DOK5: variants seen among roughly 807,000 people sequenced by gnomAD.
DOK5 encodes the protein docking protein 5, also known as downstream of tyrosine kinase 5.
In DOK5, 27 loss-of-function variants were observed where a neutral mutation model predicts 43.3. The observed-to-expected ratio is 0.62, with a 90% CI of 0.46 to 0.86. The LOEUF is 0.86. Among genes scored for constraint, DOK5 ranks in the 40% least tolerant of loss-of-function variants. DOK5 has a pLI of 0.00. For missense variants in DOK5, 373 were observed against 392.9 expected (o/e 0.95, Z 0.43); for synonymous variants, 146 against 140.1 (o/e 1.04, Z -0.30).
chr20:54,646,749 A>C (rs1378249137), intron 7 of DOK5, among the ~76,000 whole-genome samples: 1 of 152,150 alleles, frequency 6.6e-6, no homozygotes, highest in Non-Finnish European at 1.5e-5. Flanking sequence ...GAAAAAGGAA[A>C]TAGGATTGGG....
At chr20:54,586,352 T>G (rs1985802725) in intron 2 of DOK5, among the ~76,000 whole-genome samples, 2 of 152,058 alleles carry the variant, frequency 1.3e-5, no homozygotes, top group South Asian at 4.2e-4. Flanking sequence ...CTAGAGGAAG[T>G]GGACCTTGGG....
chr20:54,571,911 A>G (rs78376635), intron 2 of DOK5, among the ~76,000 whole-genome samples: 1 of 152,062 alleles, frequency 6.6e-6, no homozygotes, highest in Non-Finnish European at 1.5e-5. Context: ...CTGTTGTCTT[A>G]TGATTGCACA....
intron 1 of DOK5, among the ~76,000 whole-genome samples, chr20:54,492,241 A>G (rs924277918): frequency 2.6e-5 from 4 of 152,278 alleles, no homozygotes; most frequent in South Asian, 4.1e-4. Flanking sequence ...ATTCTTGTAT[A>G]TTAGTACAGA....
intron 1 of DOK5, among the ~76,000 whole-genome samples, chr20:54,515,239 C>A (rs1307633694): frequency 6.6e-6 from 1 of 152,140 alleles, no homozygotes; most frequent in Admixed American, 6.5e-5. Flanking sequence ...TCTTGAATTC[C>A]TGACCTCAGG....
chr20:54,594,147 C>A (rs1209695262), intron 5 of DOK5, among the ~76,000 whole-genome samples: 1 of 152,038 alleles, frequency 6.6e-6, no homozygotes, highest in Non-Finnish European at 1.5e-5. Flanking sequence ...TACCCATGAA[C>A]TTAAAACAAA....
chr20:54,580,439 G>C (rs898551130), intron 2 of DOK5, among the ~76,000 whole-genome samples: 1 of 152,084 alleles, frequency 6.6e-6, no homozygotes, highest in African/African-American at 2.4e-5. Context: ...TTCCCTAAGT[G>C]GCTGCACCTT....
chr20:54,603,580 C>A (rs114436137), intron 5 of DOK5, among the ~76,000 whole-genome samples: 1 of 152,316 alleles, frequency 6.6e-6, no homozygotes, highest in Non-Finnish European at 1.5e-5. Flanking sequence ...GGATACTTGT[C>A]AATGTCTGGA....
At chr20:54,537,251 A>T (rs560716865) in intron 1 of DOK5, among the ~76,000 whole-genome samples, 136 of 152,372 alleles carry the variant, frequency 8.9e-4, no homozygotes, top group African/African-American at 3.2e-3. Flanking sequence ...TAGCAACATT[A>T]GAGGCATCCT....
At chr20:54,601,891 G>A (rs73144072) in intron 5 of DOK5, among the ~76,000 whole-genome samples, 6,931 of 152,258 alleles carry the variant, frequency 0.046, 208 homozygotes, top group Non-Finnish European at 0.069. Context: ...CTTAGAGGGC[G>A]ATTCCTGTTT....
intron 1 of DOK5, among the ~76,000 whole-genome samples, chr20:54,485,181 T>C (rs772414806): frequency 3.9e-5 from 6 of 151,922 alleles, no homozygotes; most frequent in Non-Finnish European, 7.4e-5. Context: ...AATACAAAAA[T>C]TAGTCGGGCA....
At chr20:54,633,180 G>A (rs1353871518) in intron 6 of DOK5, among the ~76,000 whole-genome samples, 1 of 152,190 alleles carries the variant, frequency 6.6e-6, no homozygotes, top group Non-Finnish European at 1.5e-5. Flanking sequence ...AACCCTCCAG[G>A]TAATGCTTCT....
At position 54,554,939 on chromosome 20, in the gene DOK5, C is replaced by T; in HGVS notation, c.73C>T (p.Gln25Ter). The T allele has an allele frequency of 1.2e-6, 2 of 1,608,994 alleles. No homozygotes were observed. The highest frequency in any genetic ancestry group is 1.7e-6 in the Non-Finnish European group (2 of 1,175,506). Residue 25 changes from glutamine (Q) to a stop codon, truncating the protein, a stop_gained, in exon 2 of 8, where the codon CAG becomes TAG. Coordinates refer to ENST00000262593, the MANE Select transcript of DOK5 (RefSeq NM_018431.5). LOFTEE classifies it high-confidence loss of function. Reference sequence around the variant, plus strand: ...TCTTTGTATTTCCTTCCAGATTTATCAGCGATGCTGGTTAGTATTCAAGAA... The same window carrying T: ...TCTTTGTATTTCCTTCCAGATTTATTAGCGATGCTGGTTAGTATTCAAGAA... ...RIRSRRLGIY[Q>*]RCWLVFKKAS... is the part of the protein sequence containing the mutation.
intron 1 of DOK5, among the ~76,000 whole-genome samples, chr20:54,528,193 T>G (rs1983643299): frequency 6.6e-6 from 1 of 152,090 alleles, no homozygotes; most frequent in Non-Finnish European, 1.5e-5. Flanking sequence ...GCAACAAGAA[T>G]GAAACTCCGT....
At chr20:54,566,034 C>G (rs1448221987) in intron 2 of DOK5, among the ~76,000 whole-genome samples, 1 of 144,500 alleles carries the variant, frequency 6.9e-6, no homozygotes. Flanking sequence ...AAAAAAAAAC[C>G]CTGAACATTT....
rs139811548 is a variant in DOK5, at chr20:54,567,068, C to T, written c.174+12028C>T. Among the ~76,000 whole-genome samples, 717 of 150,854 alleles carry T rather than the reference C, an allele frequency of 4.8e-3. 6 individuals carry two copies. Among genetic ancestry groups the T allele is most frequent in the African/African-American group, 0.017 (689 of 41,070 alleles). On this transcript the variant is annotated intron_variant, in intron 2 of 7. Transcript: ENST00000262593. ...GGGAGTGTGTGCGTTTGTGTGTGTG[C>T]GTGTATGTGTGTATATATATGTGTC...
intron 1 of DOK5, among the ~76,000 whole-genome samples, chr20:54,530,397 G>A (rs971253758): frequency 3.9e-5 from 6 of 152,150 alleles, no homozygotes; most frequent in Admixed American, 1.3e-4. Context: ...TCTACATTGA[G>A]GCAGCCAACC....
chr20:54,518,878 C>G (rs1983294049), intron 1 of DOK5, among the ~76,000 whole-genome samples: 1 of 152,194 alleles, frequency 6.6e-6, no homozygotes, highest in South Asian at 2.1e-4. Context: ...ACAACTCCAT[C>G]AACAAGTGGG....
At chr20:54,519,873 T>C (rs1208284308) in intron 1 of DOK5, among the ~76,000 whole-genome samples, 1 of 152,216 alleles carries the variant, frequency 6.6e-6, no homozygotes, top group Admixed American at 6.6e-5. Flanking sequence ...AAATTGTAGA[T>C]TATCTGTGGC....
At chr20:54,478,456 A>G (rs922398) in intron 1 of DOK5, among the ~76,000 whole-genome samples, 26,632 of 152,154 alleles carry the variant, frequency 0.18, 3,653 homozygotes, top group African/African-American at 0.38. Flanking sequence ...CACAGAGTAG[A>G]CACTTGGTAA....
Sources: gnomAD v4.1 joint callset for allele counts (sites outside exome capture counted in the v4.1 genomes callset) on GRCh38, gnomAD v4.1.1 for gene constraint, MANE v1.5 for transcripts, NCBI Gene and HGNC (gene_info 2026-07-23, HGNC 2026-07-21) for gene names.